CAPN13: variants seen among roughly 807,000 people sequenced by gnomAD.
The protein encoded by CAPN13 is calpain 13.
Under a neutral mutation model 98.4 loss-of-function variants are expected in CAPN13, and 90 were observed. The ratio of observed to expected loss-of-function variants is 0.92; its 90% CI spans 0.77 to 1.09. CAPN13 has a LOEUF of 1.09. Among genes scored for constraint, CAPN13 ranks in the 50% least tolerant of loss-of-function variants. CAPN13 has a pLI of 0.00. For missense variants in CAPN13, 887 were observed against 841.3 expected (o/e 1.05, Z -0.67); for synonymous variants, 330 against 305.5 (o/e 1.08, Z -0.84).
chr2:30,789,180 A>C (rs191454978), intron 1 of CAPN13, among the ~76,000 whole-genome samples: 1 of 152,230 alleles, frequency 6.6e-6, no homozygotes, highest in Non-Finnish European at 1.5e-5. Flanking sequence ...ATCATTCAAG[A>C]GTAAGAAAAC....
chr2:30,790,909 C>G (rs1207958436), intron 1 of CAPN13, among the ~76,000 whole-genome samples: 1 of 152,140 alleles, frequency 6.6e-6, no homozygotes, highest in African/African-American at 2.4e-5. Context: ...TCATCCTCTT[C>G]TTATAAGACC....
chr2:30,737,966 GACACACAC>G (rs71831494), intron 17 of CAPN13: 21,865 of 366,466 alleles, frequency 0.06, 17 homozygotes, highest in Non-Finnish European at 0.073. Flanking sequence ...GAATTATAAG[GACACACAC>G]ACACACACAC....
At chr2:30,739,934 T>C (rs539633881) in intron 15 of CAPN13, among the ~76,000 whole-genome samples, 8 of 152,258 alleles carry the variant, frequency 5.3e-5, no homozygotes, top group Non-Finnish European at 7.4e-5. Context: ...GGATGATGGG[T>C]AAATGCTGGC....
In CAPN13 at chr2:30,736,554, C is replaced by T; in HGVS notation, c.1671G>A (p.Arg557=). The T allele has an allele frequency of 6.2e-7, 1 of 1,614,008 alleles. No homozygotes were observed. Among genetic ancestry groups the T allele is most frequent in the Non-Finnish European group, 8.5e-7 (1 of 1,179,888 alleles). The change falls in exon 18 of 23, where the codon CGG becomes CGA. Residue 557 remains arginine, a synonymous_variant. Transcript: ENST00000295055. ...GTCGCGCAAACTCCTCTTGGTCTAG[C>T]CGCCCATTCACTTTCAGCTGGGTAA... ...VALMELKVNG[R]LDQEEFARLW... is the part of the protein sequence containing the mutation.
At chr2:30,738,552 C>T in intron 15 of CAPN13, 95 bp from the exon 16 acceptor site, 1 of 1,306,914 alleles carries the variant, frequency 7.7e-7, no homozygotes, top group Non-Finnish European at 1.1e-6. Context: ...GATTTCCAAG[C>T]ACTTAGTCCC....
rs532084484 is a variant in CAPN13 at position 30,736,690 on chromosome 2, C to T, written c.1654-119G>A. On this transcript the variant is annotated intron_variant, in intron 17 of 22. Transcript: ENST00000295055. Reference sequence around the variant, plus strand: ...AGCAACACAGCTGGTCCATTGTCACCTGGATGTGGCCCCATGCCAGCTGGC... The same window carrying T: ...AGCAACACAGCTGGTCCATTGTCACTTGGATGTGGCCCCATGCCAGCTGGC... 236 of 867,144 alleles carry T rather than the reference C, an allele frequency of 2.7e-4. 2 individuals carry two copies. In the East Asian group the frequency reaches 6.1e-3, roughly 22 times the overall value. The allele number at this position is 867,144 out of a possible 1,614,324, so 53.7% of individuals were successfully genotyped here. A position where few individuals can be genotyped will look rare whatever the true frequency, so the allele number is the denominator to read the frequency against.
At chr2:30,737,477 C>G (rs1295086284) in intron 17 of CAPN13, 2 of 152,406 alleles carry the variant, frequency 1.3e-5, no homozygotes, top group African/African-American at 4.8e-5. Context: ...GGATGGCTCA[C>G]TGGGGAATGG....
chr2:30,738,118 G>A (rs1161881585), intron 17 of CAPN13, 117 bp downstream of exon 17: 7 of 1,042,550 alleles, frequency 6.7e-6, no homozygotes, highest in Non-Finnish European at 1.0e-5. Context: ...CAAGGACAGG[G>A]AAGAAGAGAA....
At chr2:30,755,998 G>A (rs1359546823) in intron 8 of CAPN13, among the ~76,000 whole-genome samples, 2 of 152,030 alleles carry the variant, frequency 1.3e-5, no homozygotes, top group Non-Finnish European at 2.9e-5. Flanking sequence ...TGGAGACAGT[G>A]ATTATGCAGT....
chr2:30,762,233 A>C (rs1672884572), intron 7 of CAPN13, among the ~76,000 whole-genome samples: 1 of 152,186 alleles, frequency 6.6e-6, no homozygotes, highest in South Asian at 2.1e-4. Flanking sequence ...TCCTTTATGA[A>C]CGGAGAAGGT....
intron 1 of CAPN13, among the ~76,000 whole-genome samples, chr2:30,804,063 G>T (rs563792337): frequency 8.5e-5 from 13 of 152,326 alleles, no homozygotes; most frequent in Admixed American, 5.2e-4. Context: ...GTGCATAGTG[G>T]AGGAGAGTGC....
intron 17 of CAPN13, 125 bp from the exon 18 acceptor site, chr2:30,736,696 G>A (rs72867120): frequency 3.6e-6 from 3 of 822,660 alleles, no homozygotes; most frequent in Non-Finnish European, 6.1e-6. Context: ...TCACCTGGAT[G>A]TGGCCCCATG....
intron 1 of CAPN13, among the ~76,000 whole-genome samples, chr2:30,792,674 T>C (rs935752941): frequency 1.3e-5 from 2 of 151,704 alleles, no homozygotes; most frequent in Non-Finnish European, 2.9e-5. Flanking sequence ...CCTCAAAAAA[T>C]AGAGGAGAAG....
chr2:30,745,487 A>C (rs1256590849), intron 12 of CAPN13, among the ~76,000 whole-genome samples: 1 of 152,198 alleles, frequency 6.6e-6, no homozygotes. Flanking sequence ...GGATGGTTTC[A>C]CTTGAATGTT....
At chr2:30,802,464 T>A (rs1675337969) in intron 1 of CAPN13, among the ~76,000 whole-genome samples, 1 of 49,440 alleles carries the variant, frequency 2.0e-5, no homozygotes, top group Non-Finnish European at 4.1e-5. Flanking sequence ...TGTGTGTGTA[T>A]GTGTGTGTGT....
At chr2:30,731,211 G>C in intron 21 of CAPN13, 133 bp downstream of exon 21, 1 of 704,222 alleles carries the variant, frequency 1.4e-6, no homozygotes, top group Non-Finnish European at 2.3e-6. Flanking sequence ...GCAGTAATTG[G>C]AGGTTGGGGG....
chr2:30,792,518 A>C (rs896650864), intron 1 of CAPN13, among the ~76,000 whole-genome samples: 1 of 152,116 alleles, frequency 6.6e-6, no homozygotes, highest in African/African-American at 2.4e-5. Flanking sequence ...GAAGAAACAG[A>C]AAATCTGAAT....
intron 10 of CAPN13, among the ~76,000 whole-genome samples, chr2:30,751,963 T>C (rs1672197134): frequency 6.6e-6 from 1 of 152,208 alleles, no homozygotes. Context: ...TTACTAAAAA[T>C]GGCCCTGATG....
chr2:30,778,608 T>C (rs145584186), intron 2 of CAPN13, among the ~76,000 whole-genome samples: 2 of 152,362 alleles, frequency 1.3e-5, no homozygotes, highest in Admixed American at 6.5e-5. Context: ...TAGCCATTCA[T>C]GTACAGAGTC....
Sources: gnomAD v4.1 joint callset for allele counts (sites outside exome capture counted in the v4.1 genomes callset) on GRCh38, gnomAD v4.1.1 for gene constraint, MANE v1.5 for transcripts, NCBI Gene and HGNC (gene_info 2026-07-23, HGNC 2026-07-21) for gene names.